Variants in GRIK2 observed in about 807,000 individuals in gnomAD.
The protein encoded by GRIK2 is glutamate receptor ionotropic, kainate 2.
Under a neutral mutation model 100.3 loss-of-function variants are expected in GRIK2, and 32 were observed. That is an observed-to-expected ratio of 0.32 (90% CI 0.24 to 0.43). The LOEUF (loss-of-function observed/expected upper bound fraction) is 0.43. GRIK2 is among the 20% of genes least tolerant of loss of function. The pLI is 1.00. For missense variants in GRIK2, 843 were observed against 1,114.9 expected (o/e 0.76, Z 3.47); for synonymous variants, 417 against 389.4 (o/e 1.07, Z -0.83).
At chr6:101,624,786 G>A (rs1340373819) in intron 3 of GRIK2, among the ~76,000 whole-genome samples, 1 of 151,932 alleles carries the variant, frequency 6.6e-6, no homozygotes, top group Non-Finnish European at 1.5e-5. Context: ...GGTAGGCCAG[G>A]AGTGGCACCA....
intron 12 of GRIK2, among the ~76,000 whole-genome samples, chr6:101,899,761 AT>A (rs960017135): frequency 6.6e-6 from 1 of 152,176 alleles, no homozygotes; most frequent in African/African-American, 2.4e-5. Context: ...TACTGGCATG[AT>A]AAAGTTATAA....
chr6:101,747,730 CTT>C (rs1225241087), intron 7 of GRIK2, among the ~76,000 whole-genome samples: 1 of 151,916 alleles, frequency 6.6e-6, no homozygotes, highest in African/African-American at 2.4e-5. Context: ...ATTTGGATGA[CTT>C]AAATTATATC....
At chr6:101,611,293 CAT>C (rs1452383970) in intron 2 of GRIK2, among the ~76,000 whole-genome samples, 10 of 151,848 alleles carry the variant, frequency 6.6e-5, no homozygotes, top group African/African-American at 2.4e-4. Flanking sequence ...ACTTCTCACT[CAT>C]ATTCTTTATT....
chr6:101,990,772 A>G (rs1004554022), intron 14 of GRIK2, among the ~76,000 whole-genome samples: 22 of 151,574 alleles, frequency 1.5e-4, no homozygotes, highest in African/African-American at 5.1e-4. Flanking sequence ...AAAAATTACA[A>G]TGGACATAAA....
chr6:101,913,950 G>T (rs1388655551), intron 12 of GRIK2, among the ~76,000 whole-genome samples: 1 of 151,380 alleles, frequency 6.6e-6, no homozygotes, highest in African/African-American at 2.4e-5. Context: ...GTTTCTTGCA[G>T]ATTCTTGATC....
chr6:101,462,458 G>C (rs181832734), intron 2 of GRIK2, among the ~76,000 whole-genome samples: 14 of 149,966 alleles, frequency 9.3e-5, no homozygotes, highest in Admixed American at 8.7e-4. Flanking sequence ...AGCAAAAATA[G>C]AGTCAAGATA....
At chr6:101,765,165 T>C (rs763514794) in intron 7 of GRIK2, among the ~76,000 whole-genome samples, 2 of 152,168 alleles carry the variant, frequency 1.3e-5, no homozygotes, top group African/African-American at 2.4e-5. Context: ...TTTCAGTTAG[T>C]GTTTTTTGTA....
intron 2 of GRIK2, among the ~76,000 whole-genome samples, chr6:101,573,964 C>T (rs1297084687): frequency 6.6e-6 from 1 of 151,828 alleles, no homozygotes; most frequent in Non-Finnish European, 1.5e-5. Context: ...GATGTTTTTT[C>T]TCCCTAAGAA....
intron 2 of GRIK2, among the ~76,000 whole-genome samples, chr6:101,539,502 T>C (rs1309678414): frequency 1.3e-5 from 2 of 151,804 alleles, no homozygotes; most frequent in Admixed American, 6.6e-5. Flanking sequence ...CTCAGATTAA[T>C]TGCCTAAAGT....
intron 14 of GRIK2, among the ~76,000 whole-genome samples, chr6:102,004,002 T>A (rs139803714): frequency 6.6e-6 from 1 of 151,616 alleles, no homozygotes; most frequent in Admixed American, 6.6e-5. Context: ...TATGTTTCTG[T>A]AGATTTGTAT....
chr6:102,011,577 CTTT>C (rs763369559), intron 14 of GRIK2, among the ~76,000 whole-genome samples: 2 of 76,642 alleles, frequency 2.6e-5, no homozygotes, highest in African/African-American at 1.2e-4. Flanking sequence ...CTTTCTTTTC[CTTT>C]TTTTTTTTTT....
chr6:101,512,367 G>A (rs529191220), intron 2 of GRIK2, among the ~76,000 whole-genome samples: 2 of 152,050 alleles, frequency 1.3e-5, no homozygotes, highest in South Asian at 4.2e-4. Flanking sequence ...AATTGTAGAA[G>A]ATCTGATTCT....
chr6:101,539,636 T>A (rs1250099205), intron 2 of GRIK2, among the ~76,000 whole-genome samples: 2 of 151,834 alleles, frequency 1.3e-5, no homozygotes, highest in African/African-American at 4.8e-5. Flanking sequence ...GGCCTTCTTT[T>A]ATCTTTTATT....
At chr6:102,015,707 G>A (rs1795800627) in intron 14 of GRIK2, among the ~76,000 whole-genome samples, 1 of 152,186 alleles carries the variant, frequency 6.6e-6, no homozygotes, top group Non-Finnish European at 1.5e-5. Flanking sequence ...GGATCCCACT[G>A]CCACTGCCCT....
intron 14 of GRIK2, chr6:101,993,490 A>G (rs1794484732): frequency 6.6e-6 from 1 of 151,364 alleles, no homozygotes; most frequent in South Asian, 2.1e-4. Context: ...GAAGATTCAA[A>G]GATGATAAAA....
chr6:101,834,972 C>G (rs1326993303), intron 10 of GRIK2, among the ~76,000 whole-genome samples: 1 of 152,122 alleles, frequency 6.6e-6, no homozygotes, highest in Admixed American at 6.5e-5. Flanking sequence ...CACTGCACTC[C>G]AGCCTGGGTG....
chr6:101,471,897 A>C (rs1351985743), intron 2 of GRIK2, among the ~76,000 whole-genome samples: 1 of 151,932 alleles, frequency 6.6e-6, no homozygotes, highest in Non-Finnish European at 1.5e-5. Flanking sequence ...AACAGAAAAG[A>C]GGTCAATATA....
intron 2 of GRIK2, among the ~76,000 whole-genome samples, chr6:101,480,182 C>T (rs986355572): frequency 2.0e-5 from 3 of 152,144 alleles, no homozygotes; most frequent in Admixed American, 2.0e-4. Context: ...ATCACTTCAA[C>T]TCAGAGAGGA....
At position 101,500,775 on chromosome 6, in the gene GRIK2, A is replaced by T. The variant is rs139652009; in HGVS notation, c.115+101383A>T. On this transcript the variant is annotated intron_variant, in intron 2 of 16. Transcript: ENST00000369134. Reference sequence around the variant, plus strand: ...ATTGACTTCATGTTATTAATATTTCACAACCAGGGTTTAGATTCCAACTCA... The same window carrying T: ...ATTGACTTCATGTTATTAATATTTCTCAACCAGGGTTTAGATTCCAACTCA... Among the ~76,000 whole-genome samples the T allele has an allele frequency of 1.5e-3, 228 of 152,220 alleles. No individual in the cohort carries two copies. The East Asian group carries it at 0.017, about 11-fold the overall frequency.
Sources: gnomAD v4.1 joint callset for allele counts (sites outside exome capture counted in the v4.1 genomes callset) on GRCh38, gnomAD v4.1.1 for gene constraint, MANE v1.5 for transcripts, NCBI Gene and HGNC (gene_info 2026-07-23, HGNC 2026-07-21) for gene names.